Variants in DNAAF5 observed in about 807,000 individuals in gnomAD.
DNAAF5 encodes dynein axonemal assembly factor 5, also known as HEAT repeat containing 2.
DNAAF5 carries 64 observed loss-of-function variants against 75.8 expected under a neutral mutation model. The observed-to-expected ratio is 0.84, with a 90% CI of 0.69 to 1.04. DNAAF5 has a LOEUF of 1.04. Among genes scored for constraint, DNAAF5 ranks in the 50% least tolerant of loss-of-function variants. The pLI is 0.00. For missense variants in DNAAF5, 1,269 were observed against 1,178.5 expected (o/e 1.08, Z -1.12); for synonymous variants, 657 against 557.2 (o/e 1.18, Z -2.52).
At chr7:746,865 G>T (rs1782131401) in intron 4 of DNAAF5, among the ~76,000 whole-genome samples, 1 of 152,252 alleles carries the variant, frequency 6.6e-6, no homozygotes, top group Non-Finnish European at 1.5e-5. Context: ...GCTGCGTCCT[G>T]TGTGTCCCTT....
chr7:779,308 G>C (rs1468714329), intron 11 of DNAAF5, among the ~76,000 whole-genome samples: 1 of 152,192 alleles, frequency 6.6e-6, no homozygotes, highest in African/African-American at 2.4e-5. Flanking sequence ...GCCCCTCCCA[G>C]CGTCGGGAAG....
chr7:757,269 G>A (rs1019283349), intron 6 of DNAAF5, among the ~76,000 whole-genome samples: 11 of 152,080 alleles, frequency 7.2e-5, no homozygotes, highest in East Asian at 1.9e-4. Context: ...AGCTGCAGGC[G>A]GCCGCTCACG....
intron 2 of DNAAF5, chr7:732,584 G>C (rs1283441021): frequency 6.6e-6 from 3 of 456,024 alleles, no homozygotes; most frequent in Admixed American, 2.3e-5. Context: ...CAGCTTTTCA[G>C]AGATGAGTGT....
intron 6 of DNAAF5, among the ~76,000 whole-genome samples, chr7:759,664 A>T (rs1433066465): frequency 6.6e-6 from 1 of 152,132 alleles, no homozygotes; most frequent in African/African-American, 2.4e-5. Flanking sequence ...GCAGACACTG[A>T]AAATTGTCTG....
intron 8 of DNAAF5, 106 bp downstream of exon 8, chr7:764,080 T>A: frequency 8.0e-7 from 1 of 1,247,470 alleles, no homozygotes; most frequent in Non-Finnish European, 1.1e-6. Context: ...TGAGCTGTGG[T>A]TCACTGAAGC....
At chr7:756,649 A>G in intron 5 of DNAAF5, 133 bp from the exon 6 acceptor site, 2 of 772,532 alleles carry the variant, frequency 2.6e-6, no homozygotes, top group East Asian at 2.5e-5. Flanking sequence ...AGCATGTGCC[A>G]AGGACTCACT....
Position 761,742 on chromosome 7 carries a change from G to T in DNAAF5, c.1471-11G>T. The T allele has an allele frequency of 6.3e-7, 1 of 1,594,076 alleles. No homozygotes were observed. Among genetic ancestry groups the T allele is most frequent in the Non-Finnish European group, 8.5e-7 (1 of 1,171,250 alleles). On this transcript the variant is annotated splice_polypyrimidine_tract_variant and intron_variant, in intron 6 of 12. Coordinates refer to ENST00000297440, the MANE Select transcript of DNAAF5 (RefSeq NM_017802.4). The stretch of plus-strand genomic sequence containing the variant: ...GTACCAAGCTCTGACGGTGCTGCCG[G>T]TCTCTTCCAGGACCTCTACCTGGAG...
In DNAAF5 at chr7:741,423, C is replaced by A. The variant is rs758280553; in HGVS notation, c.982C>A (p.Leu328Met). The change falls in exon 4 of 13, where the codon CTG (leucine) becomes ATG (methionine). Residue 328 changes from leucine to methionine, a missense_variant. Physicochemically the swap from Leu to Met is conservative, Grantham distance 15. Coordinates refer to ENST00000297440, the MANE Select transcript of DNAAF5 (RefSeq NM_017802.4). ...GAATGAGGAGGACCTGAAGGACAAG[C>A]TGGACTTTGCCCCTCCCACCCCACC... ...KENEEDLKDK[L>M]DFAPPTPPHY... 3 of 1,571,628 alleles carry A rather than the reference C, an allele frequency of 1.9e-6. No individual in the cohort carries two copies. The African/African-American group carries it at 4.0e-5, about 21-fold the overall frequency.
chr7:739,389 A>AGAG (rs1488432851), intron 2 of DNAAF5, among the ~76,000 whole-genome samples: 3 of 152,160 alleles, frequency 2.0e-5, no homozygotes, highest in African/African-American at 7.2e-5. Flanking sequence ...TGCCGGCGCC[A>AGAG]TGGGTGAAGA....
At position 769,281 on chromosome 7, in the gene DNAAF5, G is replaced by T. The variant is rs930336036; in HGVS notation, c.1784-1190G>T. 4.3e-6 allele frequency: 3 copies of T among 705,364 alleles called. No individual in the cohort carries two copies. The African/African-American group carries it at 5.2e-5, about 12-fold the overall frequency. The allele number at this position is 705,364 out of a possible 1,614,324, so 43.7% of individuals were successfully genotyped here. ...CCGGGGCCAGAGCGCCTCCTTCTGCGGCCCCAACCCAGTCCCCACCCTGAG... is the reference window on the plus strand; with the variant it reads ...CCGGGGCCAGAGCGCCTCCTTCTGCTGCCCCAACCCAGTCCCCACCCTGAG... On this transcript the variant is annotated intron_variant, in intron 8 of 12. Coordinates refer to ENST00000297440, the MANE Select transcript of DNAAF5 (RefSeq NM_017802.4).
intron 4 of DNAAF5, among the ~76,000 whole-genome samples, chr7:747,497 ACCGTGTCTG>A: frequency 6.7e-6 from 1 of 148,190 alleles, no homozygotes; most frequent in Non-Finnish European, 1.5e-5. Flanking sequence ...TGCTGTTTTT[ACCGTGTCTG>A]GCTGGTGTGC....
At chr7:751,291 C>A (rs1049036878) in intron 4 of DNAAF5, among the ~76,000 whole-genome samples, 7 of 151,906 alleles carry the variant, frequency 4.6e-5, no homozygotes, top group Admixed American at 3.9e-4. Flanking sequence ...GAAAAATAAC[C>A]AGAAAAAGGT....
chr7:745,194 C>G lies in DNAAF5; in HGVS notation c.1024+3729C>G, dbSNP rs142553401. ...GCCTGTCTGCCTAATTCATGCTACA[C>G]GGAGCCCAAGCTGCATGGCAAATCG... On this transcript the variant is annotated intron_variant, in intron 4 of 12. Coordinates refer to ENST00000297440, the MANE Select transcript of DNAAF5 (RefSeq NM_017802.4). Among the ~76,000 whole-genome samples the G allele has an allele frequency of 1.1e-3, 163 of 152,326 alleles. 1 individual carries two copies. Among genetic ancestry groups the G allele is most frequent in the South Asian group, 8.3e-3 (40 of 4,822 alleles).
intron 4 of DNAAF5, among the ~76,000 whole-genome samples, chr7:752,972 T>A (rs1232058166): frequency 6.6e-6 from 1 of 152,244 alleles, no homozygotes; most frequent in Non-Finnish European, 1.5e-5. Context: ...TCGGCGTCGT[T>A]AGTCATCGGG....
At chr7:778,323 C>T (rs902118224) in intron 11 of DNAAF5, 1 of 152,202 alleles carries the variant, frequency 6.6e-6, no homozygotes, top group Non-Finnish European at 1.5e-5. Context: ...TTGAGAGGCC[C>T]CTTGCCTATT....
intron 4 of DNAAF5, among the ~76,000 whole-genome samples, chr7:743,569 T>C (rs1364669058): frequency 6.9e-6 from 1 of 144,552 alleles, no homozygotes; most frequent in African/African-American, 2.5e-5. Flanking sequence ...AGCACACATG[T>C]TTGGAAAAGG....
At chr7:741,215 C>A (rs1781898266) in intron 3 of DNAAF5, 132 bp from the exon 4 acceptor site, 1 of 729,654 alleles carries the variant, frequency 1.4e-6, no homozygotes, top group Non-Finnish European at 2.3e-6. Context: ...TTCTGGTCCA[C>A]CTTTTCTGGG....
chr7:756,213 G>A (rs1433192712), intron 5 of DNAAF5, among the ~76,000 whole-genome samples: 2 of 142,212 alleles, frequency 1.4e-5, no homozygotes, highest in Non-Finnish European at 1.5e-5. Context: ...ATCCCATGGT[G>A]CAGAGGGGCT....
chr7:743,642 CTTT>C (rs1204447328), intron 4 of DNAAF5, among the ~76,000 whole-genome samples: 2 of 123,748 alleles, frequency 1.6e-5, no homozygotes, highest in Admixed American at 8.8e-5. Context: ...AACGCTCGAT[CTTT>C]TTTTTTTTTT....
Sources: allele counts gnomAD v4.1 joint callset (sites outside exome capture counted in the v4.1 genomes callset), GRCh38; gene constraint gnomAD v4.1.1; transcripts MANE v1.5; gene names NCBI Gene and HGNC (gene_info 2026-07-23, HGNC 2026-07-21).